Variants in ANGEL2 observed in about 807,000 individuals in gnomAD.
ANGEL2 encodes the protein angel homolog 2.
A neutral mutation model predicts 66.0 loss-of-function variants in ANGEL2; 41 were observed. The observed-to-expected ratio is 0.62, with a 90% CI of 0.48 to 0.81. The LOEUF is 0.81. ANGEL2 is among the 30% of genes least tolerant of loss of function. ANGEL2 has a pLI of 0.00. For missense variants in ANGEL2, 561 were observed against 641.6 expected (o/e 0.87, Z 1.36); for synonymous variants, 208 against 226.5 (o/e 0.92, Z 0.73).
chr1:212,996,172 T>C (rs1226623907), intron 8 of ANGEL2, among the ~76,000 whole-genome samples: 2 of 151,946 alleles, frequency 1.3e-5, no homozygotes, highest in Non-Finnish European at 2.9e-5. Flanking sequence ...CCGGGCATGG[T>C]GGCGGGCGCC....
intron 2 of ANGEL2, among the ~76,000 whole-genome samples, chr1:213,011,962 CTTGT>C (rs550657463): frequency 1.5e-3 from 234 of 152,324 alleles, no homozygotes; most frequent in African/African-American, 5.5e-3. Context: ...TCAAATATTT[CTTGT>C]TTATCTCCCT....
chr1:213,015,215 C>A, intron 1 of ANGEL2: 1 of 1,054,418 alleles, frequency 9.5e-7, no homozygotes, highest in Non-Finnish European at 1.1e-6. Flanking sequence ...ATCAGGCCCG[C>A]CGAGACCTAC....
chr1:212,998,827 CTTTT>C (rs1019140201), intron 7 of ANGEL2, among the ~76,000 whole-genome samples: 1 of 146,082 alleles, frequency 6.8e-6, no homozygotes, highest in African/African-American at 2.5e-5. Context: ...CGCCCGGCCT[CTTTT>C]TTTCTTTTAA....
At chr1:212,996,637 AAAAATATATATATAT>A (rs1180318738) in intron 8 of ANGEL2, among the ~76,000 whole-genome samples, 4 of 51,106 alleles carry the variant, frequency 7.8e-5, no homozygotes, top group Admixed American at 2.9e-4. Context: ...AAAAAAAAAA[AAAAATATATATATAT>A]ATATATATAT....
chr1:212,995,267 C>A, intron 8 of ANGEL2, 75 bp from the exon 9 acceptor site: 2 of 1,377,898 alleles, frequency 1.5e-6, no homozygotes, highest in Non-Finnish European at 1.9e-6. Flanking sequence ...CAAGTCTTTT[C>A]TCCAAACAAA....
chr1:213,000,377 T>C lies in ANGEL2; in HGVS notation c.1268A>G (p.Asp423Gly), dbSNP rs369851460. 1.2e-6 allele frequency: 2 copies of C among 1,613,236 alleles called. No homozygotes were observed. Among genetic ancestry groups the C allele is most frequent in the Admixed American group, 1.7e-5 (1 of 59,966 alleles). Reference sequence around the variant, plus strand: ...TTGCTTCAGCTGTGTTTGTGTCAGATCACTGTCTGTAAGAATAGAGGAAAA... The same window carrying C: ...TTGCTTCAGCTGTGTTTGTGTCAGACCACTGTCTGTAAGAATAGAGGAAAA... ...QVPKVEKTDS[D>G]LTQTQLKQTE... The change falls in exon 7 of 9, where the codon GAT becomes GGT. Residue 423 changes from aspartate (D) to glycine (G), a missense_variant. Asp to Gly is a moderately conservative substitution (Grantham distance 94). Transcript: ENST00000366962.
At chr1:212,996,402 G>T (rs2076008037) in intron 8 of ANGEL2, among the ~76,000 whole-genome samples, 1 of 151,466 alleles carries the variant, frequency 6.6e-6, no homozygotes, top group Non-Finnish European at 1.5e-5. Context: ...GAGGTGGACG[G>T]CTTGAGCCCA....
chr1:212,996,401 G>A (rs898726329), intron 8 of ANGEL2, among the ~76,000 whole-genome samples: 2 of 151,410 alleles, frequency 1.3e-5, no homozygotes, highest in Admixed American at 1.3e-4. Context: ...CGAGGTGGAC[G>A]GCTTGAGCCC....
In ANGEL2 at chr1:213,008,237, C is replaced by T; in HGVS notation, c.615G>A (p.Leu205=). ...CTGCATCAAAATGTTTAATTTCTTT[C>T]AGAATATTGGGAAACCTAAAACTCC... ...LHWSFRFPNI[L]KEIKHFDADV... The change falls in exon 3 of 9, where the codon CTG becomes CTA. Residue 205 remains leucine, a synonymous_variant. Coordinates refer to ENST00000366962, the MANE Select transcript of ANGEL2 (RefSeq NM_144567.5). 1 of 1,613,002 alleles carries T rather than the reference C, an allele frequency of 6.2e-7. No homozygotes were observed. The highest frequency in any genetic ancestry group is 8.5e-7 in the Non-Finnish European group (1 of 1,179,578).
intron 2 of ANGEL2, 63 bp downstream of exon 2, chr1:213,013,030 G>C: frequency 6.6e-7 from 1 of 1,507,576 alleles, no homozygotes; most frequent in Non-Finnish European, 9.0e-7. Flanking sequence ...GATTAGATAT[G>C]AAAGTTTCAA....
intron 1 of ANGEL2, among the ~76,000 whole-genome samples, chr1:213,014,798 G>A (rs1025848323): frequency 1.3e-5 from 2 of 152,166 alleles, no homozygotes; most frequent in African/African-American, 4.8e-5. Flanking sequence ...CAGGCCTATG[G>A]GAGTTACAAC....
In ANGEL2 at chr1:212,997,291, G is replaced by A; in HGVS notation, c.1347C>T (p.Phe449=). 2.5e-6 allele frequency: 4 copies of A among 1,610,446 alleles called. No individual in the cohort carries two copies. Among genetic ancestry groups the A allele is most frequent in the Non-Finnish European group, 2.5e-6 (3 of 1,177,328 alleles). Residue 449 remains phenylalanine, a synonymous_variant, in exon 8 of 9, where the codon TTC becomes TTT. Transcript: ENST00000366962. ...AATGTGAATAAACAGATGACAAACT[G>A]AAATGGTGCTGTAAATTTGAAGACA... ...EKLSSNLQHH[F]SLSSVYSHYF...
intron 2 of ANGEL2, chr1:213,011,217 C>T (rs1415269564): frequency 1.6e-6 from 2 of 1,289,288 alleles, no homozygotes; most frequent in Admixed American, 4.6e-5. Flanking sequence ...CCTTCCATAT[C>T]AGGAGGAACA....
chr1:212,999,108 G>A (rs1000761676), intron 7 of ANGEL2, among the ~76,000 whole-genome samples: 6 of 149,432 alleles, frequency 4.0e-5, no homozygotes, highest in Non-Finnish European at 7.4e-5. Context: ...TCCTGACCTC[G>A]TGATCCACCC....
intron 8 of ANGEL2, among the ~76,000 whole-genome samples, chr1:212,996,640 A>AAAAAATATATATATATATATAT (rs56102625): frequency 1.5e-5 from 1 of 66,484 alleles, no homozygotes; most frequent in African/African-American, 6.9e-5. Flanking sequence ...AAAAAAAAAA[A>AAAAAATATATATATATATATAT]ATATATATAT....
rs1233401691 is a variant in ANGEL2 at position 213,013,229 on chromosome 1, C to G, written c.249G>C (p.Leu83Phe). The G allele has an allele frequency of 1.9e-6, 3 of 1,614,138 alleles. No individual in the cohort carries two copies. The Admixed American group carries it at 5.0e-5, about 27-fold the overall frequency. ...ACTGGAACTGAGTTCTAGACTCAAA[C>G]AAACAGGGTGGTCTCCAATTTAGTG... is the stretch of plus-strand genomic sequence containing the variant. ...HFSLNWRPPC[L>F]FESRTQFQYC... is the part of the protein sequence containing the mutation. The change falls in exon 2 of 9, where the codon TTG becomes TTC. Residue 83 changes from leucine to phenylalanine, a missense_variant. By Grantham distance (22) the Leu-to-Phe change is conservative. Transcript: ENST00000366962.
intron 5 of ANGEL2, among the ~76,000 whole-genome samples, chr1:213,002,966 A>G (rs2076219309): frequency 6.6e-6 from 1 of 152,174 alleles, no homozygotes; most frequent in Middle Eastern, 3.4e-3. Flanking sequence ...ACCTTCATCA[A>G]TGATCTTAGC....
At chr1:213,000,284 A>G in intron 7 of ANGEL2, 42 bp downstream of exon 7, 3 of 1,549,244 alleles carry the variant, frequency 1.9e-6, no homozygotes, top group African/African-American at 1.4e-5. Context: ...TTTTTATTCA[A>G]CTAAAGTTAG....
At chr1:213,001,621 A>G (rs1282713452) in intron 5 of ANGEL2, 2 of 152,206 alleles carry the variant, frequency 1.3e-5, no homozygotes, top group Non-Finnish European at 2.9e-5. Context: ...CCTTTCATAA[A>G]AGATTTTTCT....
Sources: allele counts gnomAD v4.1 joint callset (sites outside exome capture counted in the v4.1 genomes callset), GRCh38; gene constraint gnomAD v4.1.1; transcripts MANE v1.5; gene names NCBI Gene and HGNC (gene_info 2026-07-23, HGNC 2026-07-21).